DNAI7: variants seen among roughly 807,000 people sequenced by gnomAD.
The protein encoded by DNAI7 is dynein axonemal intermediate chain 7.
Under a neutral mutation model 86.6 loss-of-function variants are expected in DNAI7, and 78 were observed. The observed-to-expected ratio is 0.90, with a 90% confidence interval of 0.75 to 1.09. The LOEUF (loss-of-function observed/expected upper bound fraction) is 1.09, where lower values mean the gene tolerates loss of function less well. Among genes scored for constraint, DNAI7 ranks in the 50% least tolerant of loss-of-function variants. The pLI is 0.00. For synonymous variants in DNAI7, 274 were observed against 273.0 expected, an observed-to-expected ratio of 1.00 and a Z score of -0.04; for missense variants, 753 against 810.2, an observed-to-expected ratio of 0.93 and a Z score of 0.86.
Position 25,114,721 on chromosome 12 carries a change from G to A in DNAI7, c.1546C>T (p.Leu516Phe). ...GTTAAAAGTACTTTATTTACATCAA[G>A]TGGTCTTAGTTCCCATGACTGGTAC... ...MPYQSWELRP[L>F]DVNKVLLTVT... The change falls in exon 13 of 16, where the codon CTT (leucine) becomes TTT (phenylalanine). Residue 516 changes from leucine to phenylalanine, a missense_variant. Coordinates refer to ENST00000395987, the MANE Select transcript of DNAI7 (RefSeq NM_018272.5). 6.2e-7 allele frequency: 1 copy of A among 1,613,834 alleles called. No individual in the cohort carries two copies. Among genetic ancestry groups the A allele is most frequent in the Non-Finnish European group, 8.5e-7 (1 of 1,179,788 alleles).
chr12:25,110,924 A>G (rs906967061), intron 14 of DNAI7, among the ~76,000 whole-genome samples: 1 of 152,218 alleles, frequency 6.6e-6, no homozygotes, highest in African/African-American at 2.4e-5. Flanking sequence ...TCAGAAAAAA[A>G]TATTTCCTGG....
At chr12:25,177,978 G>C (rs1949127093) in intron 2 of DNAI7, among the ~76,000 whole-genome samples, 1 of 152,082 alleles carries the variant, frequency 6.6e-6, no homozygotes, top group Non-Finnish European at 1.5e-5. Flanking sequence ...CCCTTCCTGG[G>C]ATAAACTGAA....
intron 13 of DNAI7, among the ~76,000 whole-genome samples, chr12:25,112,521 T>G (rs576850302): frequency 6.7e-6 from 1 of 150,196 alleles, no homozygotes; most frequent in East Asian, 2.0e-4. Flanking sequence ...ATTCTCCTGC[T>G]TCAGCCTCCC....
At chr12:25,189,618 G>T (rs1040786550) in intron 2 of DNAI7, among the ~76,000 whole-genome samples, 6 of 152,068 alleles carry the variant, frequency 3.9e-5, no homozygotes, top group Admixed American at 3.9e-4. Context: ...CTCCAGCCTG[G>T]GTGTCAGAGT....
chr12:25,128,531 T>C (rs1373571874), intron 9 of DNAI7, among the ~76,000 whole-genome samples: 1 of 152,174 alleles, frequency 6.6e-6, no homozygotes, highest in Non-Finnish European at 1.5e-5. Flanking sequence ...GACTTTCCTC[T>C]GAACTCCAGG....
At chr12:25,123,778 CTGCCACTAACT>C (rs528162451) in intron 9 of DNAI7, among the ~76,000 whole-genome samples, 6 of 152,134 alleles carry the variant, frequency 3.9e-5, no homozygotes, top group Non-Finnish European at 7.4e-5. Context: ...ATGTCTAAAT[CTGCCACTAACT>C]TACCTTTCTG....
chr12:25,192,430 A>G (rs1175391106), intron 1 of DNAI7, among the ~76,000 whole-genome samples: 1 of 152,232 alleles, frequency 6.6e-6, no homozygotes, highest in African/African-American at 2.4e-5. Flanking sequence ...TCATATGGGA[A>G]GCTTGTTAGA....
chr12:25,110,460 T>A (rs1265489641), intron 14 of DNAI7, among the ~76,000 whole-genome samples: 1 of 152,168 alleles, frequency 6.6e-6, no homozygotes, highest in African/African-American at 2.4e-5. Context: ...ACATCCCTAC[T>A]CCCGACTCCA....
Position 25,144,421 on chromosome 12 carries a change from T to C in DNAI7, c.946A>G (p.Ile316Val). ...SKQQERGSHL[I>V]QEEEIKVEEE... ...TCAACTTTTATTTCTTCCTCCTGAA[T>C]TAAGTGAGACCCTCTTTCTTGTTGT... is the stretch of plus-strand genomic sequence containing the variant. Residue 316 changes from isoleucine to valine, a missense_variant, in exon 9 of 16, where the codon ATT becomes GTT. Transcript: ENST00000395987. The C allele has an allele frequency of 6.2e-7, 1 of 1,614,172 alleles. No homozygotes were observed. The highest frequency in any genetic ancestry group is 1.1e-5 in the South Asian group (1 of 91,084).
intron 2 of DNAI7, among the ~76,000 whole-genome samples, chr12:25,179,783 A>G (rs1484449549): frequency 6.6e-6 from 1 of 152,044 alleles, no homozygotes; most frequent in African/African-American, 2.4e-5. Flanking sequence ...TCAAATGAAC[A>G]TATCTCAAAC....
chr12:25,121,155 C>T lies in DNAI7; in HGVS notation c.1239+598G>A, dbSNP rs373399410. Among the ~76,000 whole-genome samples the T allele has an allele frequency of 3.3e-5, 5 of 152,192 alleles. No individual in the cohort carries two copies. The South Asian group carries it at 8.3e-4, about 25-fold the overall frequency. On this transcript the variant is annotated intron_variant, in intron 11 of 15. Transcript: ENST00000395987. ...CGGATTCAGTAAGTTTGAGGTGGGG[C>T]TCATTAATTTGCATTTCTAGCAAAT...
chr12:25,131,676 C>T (rs1942946248), intron 9 of DNAI7, among the ~76,000 whole-genome samples: 1 of 152,188 alleles, frequency 6.6e-6, no homozygotes, highest in South Asian at 2.1e-4. Flanking sequence ...TCTTAAGTAT[C>T]TCTCAAAAGA....
intron 6 of DNAI7, among the ~76,000 whole-genome samples, chr12:25,150,804 T>C (rs571316893): frequency 1.8e-4 from 27 of 152,148 alleles, no homozygotes; most frequent in African/African-American, 5.8e-4. Context: ...AACTTGTCAT[T>C]ACCTAAGACT....
intron 1 of DNAI7, among the ~76,000 whole-genome samples, chr12:25,193,852 C>T (rs1950765957): frequency 6.6e-6 from 1 of 151,522 alleles, no homozygotes; most frequent in South Asian, 2.1e-4. Flanking sequence ...GACGGAGTCT[C>T]GCTCTGTCAC....
intron 2 of DNAI7, among the ~76,000 whole-genome samples, chr12:25,167,342 C>A (rs376451887): frequency 3.3e-5 from 5 of 152,216 alleles, no homozygotes; most frequent in East Asian, 1.9e-4. Flanking sequence ...GAGAATTTGC[C>A]CCCGCCCAGG....
At chr12:25,127,489 C>T (rs1267067064) in intron 9 of DNAI7, among the ~76,000 whole-genome samples, 2 of 152,058 alleles carry the variant, frequency 1.3e-5, no homozygotes, top group East Asian at 1.9e-4. Context: ...CAAAAACTGA[C>T]AACTGGAATT....
At chr12:25,110,320 T>C (rs1049089276) in intron 14 of DNAI7, 80 bp from the exon 15 acceptor site, 2 of 779,250 alleles carry the variant, frequency 2.6e-6, no homozygotes, top group Non-Finnish European at 4.5e-6. Flanking sequence ...CTTCAGTCTA[T>C]TTTCAACACA....
At chr12:25,161,656 G>A (rs946994784) in intron 2 of DNAI7, among the ~76,000 whole-genome samples, 3 of 152,222 alleles carry the variant, frequency 2.0e-5, no homozygotes, top group African/African-American at 7.2e-5. Flanking sequence ...ACAGTGAGGA[G>A]CAAGTAAAAT....
chr12:25,139,098 A>G (rs1943896841), intron 9 of DNAI7, among the ~76,000 whole-genome samples: 1 of 152,132 alleles, frequency 6.6e-6, no homozygotes, highest in African/African-American at 2.4e-5. Context: ...CACAAACCAG[A>G]AAACTTAAAG....
Sources: gnomAD v4.1 joint callset for allele counts (sites outside exome capture counted in the v4.1 genomes callset) on GRCh38, gnomAD v4.1.1 for gene constraint, MANE v1.5 for transcripts, NCBI Gene and HGNC (gene_info 2026-07-23, HGNC 2026-07-21) for gene names.